KIF9: variants seen among roughly 807,000 people sequenced by gnomAD.
The protein encoded by KIF9 is kinesin family member 9.
KIF9 carries 68 observed loss-of-function variants against 94.8 expected under a neutral mutation model. That is an observed-to-expected ratio of 0.72 (90% CI 0.59 to 0.88). The LOEUF (loss-of-function observed/expected upper bound fraction) is 0.88, where lower values mean the gene tolerates loss of function less well. Among genes scored for constraint, KIF9 ranks in the 40% least tolerant of loss-of-function variants. The probability of loss-of-function intolerance (pLI) is 0.00; values close to 1 mark genes in which losing one functional copy is unlikely to be tolerated. For synonymous variants in KIF9, 343 were observed against 362.1 expected, an observed-to-expected ratio of 0.95 and a Z score of 0.60; for missense variants, 882 against 982.5, an observed-to-expected ratio of 0.90 and a Z score of 1.37.
At chr3:47,241,131 A>G (rs1699447822) in intron 16 of KIF9, 116 bp from the exon 17 acceptor site, 1 of 822,828 alleles carries the variant, frequency 1.2e-6, no homozygotes, top group Admixed American at 2.1e-5. Context: ...AGTGCTAGGC[A>G]CCACCTACCC....
intron 9 of KIF9, among the ~76,000 whole-genome samples, chr3:47,260,135 C>T (rs1455220113): frequency 3.1e-5 from 4 of 128,656 alleles, no homozygotes; most frequent in South Asian, 3.0e-4. Context: ...GTGGGACCTG[C>T]GGGCAGCAAT....
intron 7 of KIF9, among the ~76,000 whole-genome samples, 188 bp downstream of exon 7, chr3:47,266,788 C>G (rs971437895): frequency 1.7e-4 from 26 of 152,078 alleles, no homozygotes; most frequent in African/African-American, 6.0e-4. Context: ...AGGTAGGAAC[C>G]GCCCCCAGGT....
rs764804389 is a variant in KIF9, at chr3:47,236,158, A to T, written c.2102-9T>A. On this transcript the variant is annotated splice_polypyrimidine_tract_variant and intron_variant, in intron 18 of 20. Transcript: ENST00000684063. ...GTACCAGATGTCAAATTCTACAAGG[A>T]GGTGAGGAGACAGAACTTGAGGAAG... 1.7e-5 allele frequency: 27 copies of T among 1,599,434 alleles called. No individual in the cohort carries two copies. The highest frequency in any genetic ancestry group is 2.2e-5 in the Non-Finnish European group (26 of 1,166,678).
chr3:47,254,857 C>T (rs1288939430), intron 10 of KIF9, among the ~76,000 whole-genome samples: 4 of 152,080 alleles, frequency 2.6e-5, no homozygotes, highest in Non-Finnish European at 5.9e-5. Flanking sequence ...AAAAAAAGGG[C>T]ATCTTCAGGC....
At chr3:47,258,540 G>T (rs1477373048) in intron 9 of KIF9, among the ~76,000 whole-genome samples, 1 of 152,208 alleles carries the variant, frequency 6.6e-6, no homozygotes, top group East Asian at 1.9e-4. Flanking sequence ...TGCTGGAGGT[G>T]GGGCCTGGTG....
intron 16 of KIF9, among the ~76,000 whole-genome samples, chr3:47,242,126 C>T (rs536493888): frequency 9.7e-4 from 148 of 152,052 alleles, no homozygotes; most frequent in Admixed American, 2.1e-3. Context: ...GCAATCCTTT[C>T]GCCTTGGCCA....
At chr3:47,266,752 C>A (rs940420959) in intron 7 of KIF9, among the ~76,000 whole-genome samples, 1 of 152,160 alleles carries the variant, frequency 6.6e-6, no homozygotes, top group African/African-American at 2.4e-5. Context: ...GGCACTATCT[C>A]ATTTAATGTT....
In KIF9 at chr3:47,267,049, G is replaced by T. The variant is rs1384995276; in HGVS notation, c.695C>A (p.Ser232Ter). 2 of 1,613,828 alleles carry T rather than the reference G, an allele frequency of 1.2e-6. No homozygotes were observed. Among genetic ancestry groups the T allele is most frequent in the Non-Finnish European group, 1.7e-6 (2 of 1,179,958 alleles). ...TTTGGAAGTGATGTACTTTTCCTCT[G>T]ATAAGGTCCGGGAATGGGCCTACAA... The part of the protein sequence containing the change: ...IYLEAHSRTL[S>*]EEKYITSKIN... Residue 232 changes from serine (S) to a stop codon, truncating the protein, a stop_gained, in exon 7 of 21, where the codon TCA becomes TAA. Transcript: ENST00000684063. LOFTEE classifies it high-confidence loss of function.
intron 17 of KIF9, chr3:47,240,085 G>T: frequency 2.1e-6 from 1 of 477,314 alleles, no homozygotes; most frequent in Non-Finnish European, 3.5e-6. Flanking sequence ...CACTTGACCA[G>T]CCCTCTCAGA....
intron 9 of KIF9, among the ~76,000 whole-genome samples, chr3:47,261,768 C>T (rs1700988090): frequency 1.3e-5 from 2 of 152,136 alleles, no homozygotes; most frequent in African/African-American, 4.8e-5. Context: ...AGAGCTGGCT[C>T]ACAGCGAGCC....
intron 16 of KIF9, 90 bp from the exon 17 acceptor site, chr3:47,241,105 G>A (rs765095153): frequency 8.5e-7 from 1 of 1,172,480 alleles, no homozygotes; most frequent in Non-Finnish European, 1.3e-6. Context: ...TGGGACTTCT[G>A]TGGCCAGGAG....
chr3:47,236,108 C>G lies in KIF9; in HGVS notation c.2143G>C (p.Asp715His), dbSNP rs1195325409. 2.5e-6 allele frequency: 4 copies of G among 1,614,178 alleles called. No homozygotes were observed. The highest frequency in any genetic ancestry group is 3.4e-6 in the Non-Finnish European group (4 of 1,180,022). ...CCTGGCTTCAGTGCCATCTGCATGTCCTCAGGGATGACAAAGGACTCATTG... is the reference window on the plus strand; with the variant it reads ...CCTGGCTTCAGTGCCATCTGCATGTGCTCAGGGATGACAAAGGACTCATTG... ...WYNESFVIPE[D>H]MQMALKPGGS... The change falls in exon 19 of 21, where the codon GAC (aspartate) becomes CAC (histidine). Residue 715 changes from aspartate to histidine, a missense_variant. Asp to His is a moderately conservative substitution (Grantham distance 81). Coordinates refer to ENST00000684063, the MANE Select transcript of KIF9 (RefSeq NM_182902.4).
intron 1 of KIF9, among the ~76,000 whole-genome samples, chr3:47,278,068 T>C (rs1364302098): frequency 1.3e-5 from 2 of 151,962 alleles, no homozygotes; most frequent in Non-Finnish European, 2.9e-5. Context: ...ATAGGACATA[T>C]ATACATACAT....
rs1297700765 is a variant in KIF9, at chr3:47,266,009, C to A, written c.769-132G>T. 3 of 874,292 alleles carry A rather than the reference C, an allele frequency of 3.4e-6. No individual in the cohort carries two copies. In the Admixed American group the frequency reaches 7.3e-5, roughly 21 times the overall value. 54.2% of individuals were successfully genotyped at this position (874,292 alleles called of 1,614,324 possible). ...AGCGCCTCCTTCCCAGAACCAGGGT[C>A]TTCTTTCAATGTCATGCGATTGTAT... On this transcript the variant is annotated intron_variant, in intron 7 of 20. Transcript: ENST00000684063.
At chr3:47,259,682 C>A (rs1700839553) in intron 9 of KIF9, among the ~76,000 whole-genome samples, 1 of 148,780 alleles carries the variant, frequency 6.7e-6, no homozygotes, top group Non-Finnish European at 1.5e-5. Context: ...CCCGTGCTCT[C>A]TGAAACGTGT....
chr3:47,281,333 GTTTTTGTTTTTGT>G, intron 1 of KIF9: 1 of 311,188 alleles, frequency 3.2e-6, no homozygotes, highest in South Asian at 5.5e-5. Context: ...CGCTTTTTTT[GTTTTTGTTTTTGT>G]TTTTTGTTTA....
At chr3:47,242,816 T>G (rs1699665384) in intron 16 of KIF9, among the ~76,000 whole-genome samples, 1 of 152,218 alleles carries the variant, frequency 6.6e-6, no homozygotes, top group Admixed American at 6.5e-5. Context: ...ATTTAAATAA[T>G]TGCTATTTGG....
intron 2 of KIF9, 83 bp downstream of exon 2, chr3:47,277,199 A>T: frequency 9.9e-7 from 1 of 1,013,812 alleles, no homozygotes; most frequent in Non-Finnish European, 1.5e-6. Context: ...TGGTCCTTCA[A>T]AGGTTGCTTG....
At chr3:47,280,608 G>A (rs974386797) in intron 1 of KIF9, among the ~76,000 whole-genome samples, 1 of 152,218 alleles carries the variant, frequency 6.6e-6, no homozygotes, top group African/African-American at 2.4e-5. Flanking sequence ...CCAGGAGGCT[G>A]AGGCAGGAGG....
Sources: gnomAD v4.1 joint callset for allele counts (sites outside exome capture counted in the v4.1 genomes callset) on GRCh38, gnomAD v4.1.1 for gene constraint, MANE v1.5 for transcripts, NCBI Gene and HGNC (gene_info 2026-07-23, HGNC 2026-07-21) for gene names.